FAM118A: variants seen among roughly 807,000 people sequenced by gnomAD.
FAM118A encodes protein FAM118A.
A neutral mutation model predicts 38.2 loss-of-function variants in FAM118A; 25 were observed. That is an observed-to-expected ratio of 0.65 (90% CI 0.48 to 0.91). The LOEUF (loss-of-function observed/expected upper bound fraction) is 0.91. FAM118A is among the 40% of genes least tolerant of loss of function. The pLI, the probability that FAM118A is intolerant of heterozygous loss-of-function variation, is 0.00. For missense variants in FAM118A, 425 were observed against 463.3 expected, an observed-to-expected ratio of 0.92 and a Z score of 0.76; for synonymous variants, 178 against 184.1, an observed-to-expected ratio of 0.97 and a Z score of 0.27.
intron 5 of FAM118A, 133 bp from the exon 6 acceptor site, chr22:45,332,292 G>C (rs865842260): frequency 1.1e-6 from 1 of 871,656 alleles, no homozygotes; most frequent in South Asian, 1.6e-5. Context: ...CCTTCTAACT[G>C]TGCTCCTCAG....
At chr22:45,317,182 G>A (rs141281325) in intron 1 of FAM118A, among the ~76,000 whole-genome samples, 7 of 152,182 alleles carry the variant, frequency 4.6e-5, no homozygotes, top group Non-Finnish European at 1.0e-4. Flanking sequence ...TTCGAGACCA[G>A]CCTCTGACCA....
intron 7 of FAM118A, among the ~76,000 whole-genome samples, chr22:45,335,906 C>T (rs1458247941): frequency 1.3e-5 from 2 of 152,258 alleles, no homozygotes; most frequent in Admixed American, 1.3e-4. Context: ...AGGTGCCTCC[C>T]CTTGCCGAAT....
chr22:45,337,072 T>C (rs2086157064), intron 8 of FAM118A, among the ~76,000 whole-genome samples: 1 of 152,226 alleles, frequency 6.6e-6, no homozygotes, highest in Non-Finnish European at 1.5e-5. Flanking sequence ...CTCCCAGGTT[T>C]GCGTAGTGCT....
At chr22:45,309,855 G>T (rs1245580276), upstream of FAM118A, 2 of 152,152 alleles carry the variant, frequency 1.3e-5, no homozygotes, top group East Asian at 2.0e-4. Context: ...CCCGGGGCGG[G>T]GCCTCCGGGG....
At chr22:45,330,769 A>G (rs751516841) in intron 5 of FAM118A, 38 bp downstream of exon 5, 3 of 1,483,962 alleles carry the variant, frequency 2.0e-6, no homozygotes, top group East Asian at 2.5e-5. Flanking sequence ...GCGTCCTCTC[A>G]GGGATTACTG....
At chr22:45,318,020 G>A (rs908592889) in intron 1 of FAM118A, among the ~76,000 whole-genome samples, 5 of 152,226 alleles carry the variant, frequency 3.3e-5, no homozygotes, top group African/African-American at 1.2e-4. Flanking sequence ...GTAGGGTTGT[G>A]AGGTACTTTG....
chr22:45,317,746 C>T (rs2084668502), intron 1 of FAM118A, among the ~76,000 whole-genome samples: 2 of 152,192 alleles, frequency 1.3e-5, no homozygotes, highest in Admixed American at 1.3e-4. Context: ...GCAGTTGTGG[C>T]CCAAGGCAGC....
chr22:45,317,015 G>C (rs935604135), intron 1 of FAM118A, among the ~76,000 whole-genome samples: 14 of 152,188 alleles, frequency 9.2e-5, no homozygotes, highest in African/African-American at 3.1e-4. Flanking sequence ...ATCAGATGCT[G>C]CTTGGACACC....
intron 4 of FAM118A, chr22:45,328,452 T>A: frequency 1.1e-6 from 1 of 916,634 alleles, no homozygotes; most frequent in Non-Finnish European, 1.9e-6. Context: ...TGGGAGCTGC[T>A]CTCACTTTGT....
Position 45,313,996 on chromosome 22 carries a change from G to C in FAM118A, c.-10+3813G>C, listed in dbSNP as rs77869815. Among the ~76,000 whole-genome samples the C allele has an allele frequency of 8.3e-3, 1,268 of 152,272 alleles. 22 individuals are homozygous for C. Among genetic ancestry groups the C allele is most frequent in the African/African-American group, 0.029 (1,220 of 41,530 alleles). On this transcript the variant is annotated intron_variant, in intron 1 of 8. Coordinates refer to ENST00000441876, the MANE Select transcript of FAM118A (RefSeq NM_017911.4). ...CTTCCAGCAACCTTAGGAGGTATAA[G>C]ATATTCTTTCCTTTGTAGAAAAAGT... is the stretch of plus-strand genomic sequence containing the variant.
chr22:45,338,879 T>TC (rs1254498410), intron 8 of FAM118A, among the ~76,000 whole-genome samples: 2 of 152,208 alleles, frequency 1.3e-5, no homozygotes, highest in East Asian at 3.8e-4. Flanking sequence ...CAATAGTCCA[T>TC]GTTATAAAGA....
chr22:45,328,492 C>A (rs542986892), intron 4 of FAM118A: 2 of 818,286 alleles, frequency 2.4e-6, no homozygotes, highest in Non-Finnish European at 4.4e-6. Context: ...AGTAGCCAGG[C>A]ATGGTGGCGC....
At chr22:45,332,035 G>A (rs1446435979) in intron 5 of FAM118A, among the ~76,000 whole-genome samples, 2 of 152,172 alleles carry the variant, frequency 1.3e-5, no homozygotes, top group Non-Finnish European at 2.9e-5. Flanking sequence ...TCCTCATTTT[G>A]TGTTTTAATA....
chr22:45,331,902 C>G (rs2085749235), intron 5 of FAM118A, among the ~76,000 whole-genome samples: 1 of 146,468 alleles, frequency 6.8e-6, no homozygotes, highest in Non-Finnish European at 1.5e-5. Flanking sequence ...TGATCCCCTC[C>G]TCAGCTCTCT....
In FAM118A at chr22:45,341,576, T is replaced by C. The variant is rs1158699460; in HGVS notation, c.*1171T>C. 1.3e-5 allele frequency: 2 copies of C among 152,370 alleles called. No homozygotes were observed. Among genetic ancestry groups the C allele is most frequent in the African/African-American group, 4.8e-5 (2 of 41,584 alleles). 9.4% of individuals were successfully genotyped at this position (152,370 alleles called of 1,614,324 possible). On this transcript the variant is annotated 3_prime_UTR_variant, in exon 9 of 9. Transcript: ENST00000441876. ...AACTTGAAAAGGGCCTGCAACACTT[T>C]AAACCTTCTCAGGTTCACCCACATG...
intron 1 of FAM118A, among the ~76,000 whole-genome samples, chr22:45,320,594 T>C (rs2084820283): frequency 6.6e-6 from 1 of 152,022 alleles, no homozygotes; most frequent in Non-Finnish European, 1.5e-5. Flanking sequence ...CACCACCACA[T>C]TGGCTAATTT....
At chr22:45,334,203 T>C (rs569902988) in intron 6 of FAM118A, among the ~76,000 whole-genome samples, 5 of 152,332 alleles carry the variant, frequency 3.3e-5, no homozygotes, top group Non-Finnish European at 7.4e-5. Flanking sequence ...TTAAACTTGG[T>C]CATCTTGATA....
chr22:45,328,632 TAAAAAA>T, intron 4 of FAM118A: 1 of 520,860 alleles, frequency 1.9e-6, no homozygotes, highest in Admixed American at 3.3e-5. Context: ...CCCTTTCTCT[TAAAAAA>T]AAAAAAGTAA....
chr22:45,336,331 A>T lies in FAM118A; in HGVS notation c.974A>T (p.Asn325Ile). 1 of 1,612,492 alleles carries T rather than the reference A, an allele frequency of 6.2e-7. No homozygotes were observed. The part of the protein sequence containing the change: ...DRVDSTTLLG[N>I]ACQDCAKRKL... ...TTAATAAATTCTTCTCTTTTAGGTAATGCATGCCAGGACTGTGCAAAGAGG... is the reference window on the plus strand; with the variant it reads ...TTAATAAATTCTTCTCTTTTAGGTATTGCATGCCAGGACTGTGCAAAGAGG... Residue 325 changes from asparagine to isoleucine, a missense_variant, in exon 8 of 9, where the codon AAT (asparagine) becomes ATT (isoleucine). Coordinates refer to ENST00000441876, the MANE Select transcript of FAM118A (RefSeq NM_017911.4).
Sources: allele counts gnomAD v4.1 joint callset (sites outside exome capture counted in the v4.1 genomes callset), GRCh38; gene constraint gnomAD v4.1.1; transcripts MANE v1.5; gene names NCBI Gene and HGNC (gene_info 2026-07-23, HGNC 2026-07-21).